AHCTF1: variants seen among roughly 807,000 people sequenced by gnomAD.
AHCTF1 encodes the protein AT-hook containing transcription factor 1, also known as protein ELYS.
In AHCTF1, 24 loss-of-function variants were observed where a neutral mutation model predicts 248.4. The observed-to-expected ratio is 0.10, with a 90% CI of 0.07 to 0.14. AHCTF1 has a LOEUF of 0.14. Among genes scored for constraint, AHCTF1 ranks in the 10% least tolerant of loss-of-function variants. The pLI is 1.00. For missense variants in AHCTF1, 2,206 were observed against 2,636.2 expected (o/e 0.84, Z 3.57); for synonymous variants, 786 against 929.8 (o/e 0.85, Z 2.81).
chr1:246,847,382 G>T (rs1228216007), intron 33 of AHCTF1, among the ~76,000 whole-genome samples: 1 of 152,136 alleles, frequency 6.6e-6, no homozygotes, highest in Non-Finnish European at 1.5e-5. Context: ...TAAACTGCAG[G>T]TTTTTAAATA....
intron 24 of AHCTF1, among the ~76,000 whole-genome samples, chr1:246,869,046 ATG>A (rs1662320174): frequency 6.6e-6 from 1 of 150,966 alleles, no homozygotes; most frequent in Non-Finnish European, 1.5e-5. Flanking sequence ...GGGTTTCACC[ATG>A]TTGGCCAGGA....
At chr1:246,913,192 C>A in intron 4 of AHCTF1, 40 bp downstream of exon 4, 1 of 1,482,298 alleles carries the variant, frequency 6.7e-7, no homozygotes, top group Non-Finnish European at 9.0e-7. Flanking sequence ...TCAGAATATC[C>A]AGGTGCTCCA....
chr1:246,930,677 T>A (rs1446660703), intron 1 of AHCTF1, among the ~76,000 whole-genome samples: 3 of 151,966 alleles, frequency 2.0e-5, no homozygotes, highest in Non-Finnish European at 4.4e-5. Flanking sequence ...CCTCTCAAAG[T>A]GCTGGGATTA....
chr1:246,887,865 T>C (rs763908611), intron 19 of AHCTF1, among the ~76,000 whole-genome samples: 1 of 152,254 alleles, frequency 6.6e-6, no homozygotes, highest in Non-Finnish European at 1.5e-5. Flanking sequence ...ATGCCATTGA[T>C]AGTGACCACT....
rs560565502 is a variant in AHCTF1 at position 246,855,838 on chromosome 1, A to G, written c.4257-11T>C. On this transcript the variant is annotated splice_polypyrimidine_tract_variant and intron_variant, in intron 30 of 35. Transcript: ENST00000648844. ...TGGGTGAAGATTTTCCTTTAGAAAA[A>G]GAAATACATACCTTAGTGTGTAAGA... 8.8e-6 allele frequency: 14 copies of G among 1,597,966 alleles called. No homozygotes were observed. In the African/African-American group the frequency reaches 1.6e-4, roughly 18 times the overall value.
intron 24 of AHCTF1, among the ~76,000 whole-genome samples, chr1:246,870,365 A>G (rs539249174): frequency 1.3e-5 from 2 of 152,308 alleles, no homozygotes; most frequent in African/African-American, 4.8e-5. Flanking sequence ...CAAGGCTACA[A>G]TGAGCTATGA....
intron 24 of AHCTF1, among the ~76,000 whole-genome samples, chr1:246,868,169 C>T (rs1162729225): frequency 2.0e-5 from 3 of 149,494 alleles, no homozygotes; most frequent in Non-Finnish European, 4.4e-5. Context: ...TGCTCTGTAG[C>T]CCAGGCTGGA....
intron 29 of AHCTF1, among the ~76,000 whole-genome samples, chr1:246,859,830 A>G (rs942472889): frequency 6.6e-6 from 1 of 152,108 alleles, no homozygotes; most frequent in Non-Finnish European, 1.5e-5. Flanking sequence ...CTGGTATTAC[A>G]GGCGTGAGCC....
At chr1:246,844,260 G>A (rs1660088507) in intron 33 of AHCTF1, among the ~76,000 whole-genome samples, 1 of 152,196 alleles carries the variant, frequency 6.6e-6, no homozygotes, top group Admixed American at 6.5e-5. Flanking sequence ...GGGAGGGAAA[G>A]CATTAATCCT....
intron 4 of AHCTF1, among the ~76,000 whole-genome samples, chr1:246,908,414 G>A (rs1221342991): frequency 6.6e-6 from 1 of 151,444 alleles, no homozygotes; most frequent in Non-Finnish European, 1.5e-5. Context: ...GAGTAACTAG[G>A]TATCACCTGC....
rs139376112 is a variant in AHCTF1, at chr1:246,902,618, A to G, written c.1024T>C (p.Leu342=). 40 of 1,613,004 alleles carry G rather than the reference A, an allele frequency of 2.5e-5. No individual in the cohort carries two copies. The African/African-American group carries it at 5.3e-4, about 22-fold the overall frequency. ...TTGGTATTACTCGTCTGTCCCCTCA[A>G]AGGGAACATGCCACCTGTCAGGTCC... ...TLDLTGGMFP[L]RGQTSNTKLL... Residue 342 remains leucine, a synonymous_variant, in exon 8 of 36, where the codon TTG becomes CTG. Coordinates refer to ENST00000648844, the MANE Select transcript of AHCTF1 (RefSeq NM_001323342.2).
chr1:246,883,346 AG>A (rs1364237572), intron 21 of AHCTF1, among the ~76,000 whole-genome samples: 1 of 152,180 alleles, frequency 6.6e-6, no homozygotes, highest in Non-Finnish European at 1.5e-5. Context: ...GCTGGACTAG[AG>A]ATGTAGGTAT....
At chr1:246,904,491 T>G (rs1351723351) in intron 6 of AHCTF1, among the ~76,000 whole-genome samples, 1 of 152,216 alleles carries the variant, frequency 6.6e-6, no homozygotes, top group Non-Finnish European at 1.5e-5. Context: ...ATATCCTTTA[T>G]GCCTTCATCC....
intron 1 of AHCTF1, among the ~76,000 whole-genome samples, chr1:246,920,142 CAAAAAAAAA>C (rs68194249): frequency 6.1e-4 from 25 of 40,804 alleles, no homozygotes; most frequent in East Asian, 2.8e-3. Context: ...CTGTCCCCCG[CAAAAAAAAA>C]AAAAAAAAAA....
chr1:246,852,955 G>T, intron 32 of AHCTF1, 136 bp downstream of exon 32: 1 of 637,280 alleles, frequency 1.6e-6, no homozygotes. Flanking sequence ...CTTATTTTTT[G>T]AACCCATATT....
At chr1:246,876,219 A>G in intron 23 of AHCTF1, 32 bp from the exon 24 acceptor site, 1 of 1,526,292 alleles carries the variant, frequency 6.6e-7, no homozygotes, top group Non-Finnish European at 8.9e-7. Flanking sequence ...AAAAAATTTA[A>G]CCTTCAAAAT....
chr1:246,844,015 G>T, intron 33 of AHCTF1, 87 bp from the exon 34 acceptor site: 2 of 978,132 alleles, frequency 2.0e-6, no homozygotes, highest in Non-Finnish European at 2.7e-6. Flanking sequence ...CAAATTATGT[G>T]TTTTAGAAAG....
chr1:246,861,916 C>G (rs1192770600), intron 28 of AHCTF1, 43 bp downstream of exon 28: 1 of 1,512,394 alleles, frequency 6.6e-7, no homozygotes, highest in Non-Finnish European at 9.1e-7. Context: ...CTAATACATT[C>G]TTATTAAAAA....
chr1:246,892,301 C>CCT (rs1664260844), intron 14 of AHCTF1, among the ~76,000 whole-genome samples: 1 of 64,974 alleles, frequency 1.5e-5, no homozygotes, highest in East Asian at 5.4e-4. Flanking sequence ...ATTTGTTTTA[C>CCT]TTTTTTTTTT....
Sources: allele counts gnomAD v4.1 joint callset (sites outside exome capture counted in the v4.1 genomes callset), GRCh38; gene constraint gnomAD v4.1.1; transcripts MANE v1.5; gene names NCBI Gene and HGNC (gene_info 2026-07-23, HGNC 2026-07-21).